The following C10orf67 variants were observed in gnomAD, a reference collection of about 807,000 sequenced individuals.
C10orf67 encodes the protein uncharacterized protein C10orf67, mitochondrial.
A neutral mutation model predicts 35.6 loss-of-function variants in C10orf67; 60 were observed. That is an observed-to-expected ratio of 1.68 (90% CI 1.37 to 2.09). The LOEUF (loss-of-function observed/expected upper bound fraction) is 2.09. C10orf67 is among the 30% of genes most tolerant of loss of function. The pLI is 0.00. For missense variants in C10orf67, 474 were observed against 330.2 expected (o/e 1.44, Z -3.38); for synonymous variants, 167 against 115.8 (o/e 1.44, Z -2.84).
intron 4 of C10orf67, among the ~76,000 whole-genome samples, chr10:23,308,789 T>C (rs1160861278): frequency 6.6e-6 from 1 of 152,150 alleles, no homozygotes; most frequent in Non-Finnish European, 1.5e-5. Context: ...GAGAATTAAA[T>C]AAGATAATGC....
intron 10 of C10orf67, among the ~76,000 whole-genome samples, chr10:23,259,470 T>C (rs1842690927): frequency 6.6e-6 from 1 of 151,754 alleles, no homozygotes; most frequent in Non-Finnish European, 1.5e-5. Context: ...TGACTTATAT[T>C]CAAAGTAAAT....
chr10:23,306,393 G>A (rs113167345), intron 4 of C10orf67, among the ~76,000 whole-genome samples: 197 of 151,948 alleles, frequency 1.3e-3, no homozygotes, highest in African/African-American at 4.5e-3. Flanking sequence ...GCATGGTGGC[G>A]GACACCTGTA....
At chr10:23,264,768 G>A (rs1467175179) in intron 10 of C10orf67, among the ~76,000 whole-genome samples, 1 of 152,138 alleles carries the variant, frequency 6.6e-6, no homozygotes, top group African/African-American at 2.4e-5. Flanking sequence ...CTCAGGACAA[G>A]AGGCTCAGCT....
chr10:23,275,972 T>C lies in C10orf67; in HGVS notation c.975+6041A>G, dbSNP rs530377221. On this transcript the variant is annotated intron_variant, in intron 8 of 15. Transcript: ENST00000636213. Reference sequence around the variant, plus strand: ...TGCCTCAGAATTCTCTCTCAATACATTGGAGTTGATACATGAACTTATGTT... The same window carrying C: ...TGCCTCAGAATTCTCTCTCAATACACTGGAGTTGATACATGAACTTATGTT... 6.6e-5 allele frequency among the ~76,000 whole-genome samples: 10 copies of C among 152,268 alleles called. No individual in the cohort carries two copies. The East Asian group carries it at 1.5e-3, about 24-fold the overall frequency.
At chr10:23,305,215 C>G (rs1372935843) in intron 4 of C10orf67, among the ~76,000 whole-genome samples, 1 of 152,192 alleles carries the variant, frequency 6.6e-6, no homozygotes, top group Non-Finnish European at 1.5e-5. Flanking sequence ...AAATGGAGAT[C>G]TGCAAATCAT....
At chr10:23,208,263 G>C (rs1841210915) in intron 15 of C10orf67, among the ~76,000 whole-genome samples, 1 of 152,142 alleles carries the variant, frequency 6.6e-6, no homozygotes, top group African/African-American at 2.4e-5. Flanking sequence ...TGGAAATGCT[G>C]TTATCACACA....
intron 12 of C10orf67, among the ~76,000 whole-genome samples, chr10:23,248,271 G>A (rs894483340): frequency 7.9e-5 from 12 of 152,184 alleles, no homozygotes; most frequent in Middle Eastern, 3.2e-3. Flanking sequence ...CGGCATCACC[G>A]CGGCATCAGC....
intron 12 of C10orf67, among the ~76,000 whole-genome samples, chr10:23,249,131 C>CAAAAA (rs57702096): frequency 0.011 from 232 of 21,560 alleles, 1 homozygote; most frequent in Non-Finnish European, 0.014. Context: ...AACTCCCTCT[C>CAAAAA]AAAAAAAAAA....
intron 4 of C10orf67, among the ~76,000 whole-genome samples, chr10:23,311,125 C>T (rs984118343): frequency 6.6e-6 from 1 of 152,198 alleles, no homozygotes; most frequent in South Asian, 2.1e-4. Context: ...AACCACCACA[C>T]CCAGCCACAC....
intron 10 of C10orf67, among the ~76,000 whole-genome samples, chr10:23,257,922 CA>C (rs1234076209): frequency 6.6e-6 from 1 of 152,200 alleles, no homozygotes; most frequent in East Asian, 1.9e-4. Flanking sequence ...CCCCCCCACA[CA>C]TATATGTATA....
chr10:23,315,432 T>TG (rs989620571), intron 4 of C10orf67, among the ~76,000 whole-genome samples: 3 of 152,110 alleles, frequency 2.0e-5, no homozygotes, highest in Admixed American at 6.5e-5. Flanking sequence ...GTTTTTTGTT[T>TG]TTTGTTTGTT....
intron 8 of C10orf67, among the ~76,000 whole-genome samples, chr10:23,279,899 G>C (rs1702512163): frequency 6.6e-6 from 1 of 152,086 alleles, no homozygotes; most frequent in Admixed American, 6.5e-5. Context: ...CGCCCGGGCT[G>C]AAAAGCAGTG....
chr10:23,292,752 A>T (rs952894132), intron 5 of C10orf67, among the ~76,000 whole-genome samples: 3 of 151,496 alleles, frequency 2.0e-5, no homozygotes, highest in Non-Finnish European at 4.4e-5. Context: ...TGTAAGAGTT[A>T]GTAATATTTA....
At chr10:23,222,509 G>T (rs1211094049) in intron 15 of C10orf67, among the ~76,000 whole-genome samples, 1 of 152,048 alleles carries the variant, frequency 6.6e-6, no homozygotes. Flanking sequence ...TCCAAAAGGA[G>T]GGAGAGAGGA....
intron 15 of C10orf67, among the ~76,000 whole-genome samples, chr10:23,212,873 A>G (rs951308417): frequency 1.2e-4 from 19 of 152,070 alleles, no homozygotes; most frequent in African/African-American, 4.6e-4. Context: ...ACAGAATGCT[A>G]GGCAAGACAA....
intron 10 of C10orf67, among the ~76,000 whole-genome samples, chr10:23,253,714 T>C (rs890426040): frequency 1.3e-5 from 2 of 152,206 alleles, no homozygotes; most frequent in Admixed American, 1.3e-4. Flanking sequence ...GTTTCAATTT[T>C]TAAGGCTCCC....
intron 15 of C10orf67, among the ~76,000 whole-genome samples, chr10:23,223,266 G>A (rs966442681): frequency 6.6e-6 from 1 of 151,376 alleles, no homozygotes; most frequent in Non-Finnish European, 1.5e-5. Context: ...ATTTTTTTTT[G>A]TAGAGGTAGA....
At chr10:23,313,033 T>C (rs1844557489) in intron 4 of C10orf67, among the ~76,000 whole-genome samples, 2 of 152,178 alleles carry the variant, frequency 1.3e-5, no homozygotes. Flanking sequence ...AAATCTCTTT[T>C]ATCACCTCCC....
intron 10 of C10orf67, among the ~76,000 whole-genome samples, chr10:23,262,547 A>T (rs1353762847): frequency 6.6e-6 from 1 of 152,130 alleles, no homozygotes; most frequent in Admixed American, 6.5e-5. Context: ...TTCACAGCAA[A>T]ATCTTCAGTC....
Sources: allele counts gnomAD v4.1 joint callset (sites outside exome capture counted in the v4.1 genomes callset), GRCh38; gene constraint gnomAD v4.1.1; transcripts MANE v1.5; gene names NCBI Gene and HGNC (gene_info 2026-07-23, HGNC 2026-07-21).